Variants in RASAL2 observed in about 807,000 individuals in gnomAD.
RASAL2 encodes ras GTPase-activating protein nGAP.
In RASAL2, 58 loss-of-function variants were observed where a neutral mutation model predicts 128.9. The ratio of observed to expected loss-of-function variants is 0.45; its 90% confidence interval spans 0.36 to 0.56. The LOEUF (loss-of-function observed/expected upper bound fraction) is 0.56, where lower values mean the gene tolerates loss of function less well. RASAL2 is among the 20% of genes least tolerant of loss of function. RASAL2 has a pLI of 0.00. For missense variants in RASAL2, 1,360 were observed against 1,601.6 expected (o/e 0.85, Z 2.57); for synonymous variants, 561 against 580.8 (o/e 0.97, Z 0.49).
Position 178,474,974 on chromosome 1 carries a change from A to G in RASAL2, c.*1735A>G, listed in dbSNP as rs1303941924. On this transcript the variant is annotated 3_prime_UTR_variant, in exon 18 of 18. Transcript: ENST00000367649. ...CAAGTGAGTGTTTCTCCATAACAGA[A>G]TATTTATAAGAGAACATGTATAGTG... 3.3e-5 allele frequency: 5 copies of G among 152,158 alleles called. No individual in the cohort carries two copies. Among genetic ancestry groups the G allele is most frequent in the Non-Finnish European group, 5.9e-5 (4 of 68,022 alleles). 9.4% of individuals were successfully genotyped at this position (152,158 alleles called of 1,614,324 possible).
At chr1:178,439,284 T>G (rs185588499) in intron 5 of RASAL2, 138 bp from the exon 6 acceptor site, 9 of 705,022 alleles carry the variant, frequency 1.3e-5, no homozygotes, top group Non-Finnish European at 2.0e-5. Context: ...ATTGTTACTG[T>G]AGATTAACTA....
At chr1:178,351,558 C>T (rs1327032252) in intron 3 of RASAL2, among the ~76,000 whole-genome samples, 4 of 151,958 alleles carry the variant, frequency 2.6e-5, no homozygotes, top group Non-Finnish European at 5.9e-5. Context: ...AGTGAAACCC[C>T]GTCTCTACTA....
intron 3 of RASAL2, among the ~76,000 whole-genome samples, chr1:178,373,591 G>A (rs1321160556): frequency 3.3e-5 from 5 of 151,938 alleles, no homozygotes; most frequent in Non-Finnish European, 7.4e-5. Context: ...AAGGAAGGCA[G>A]AGTTATCATT....
chr1:178,332,909 C>T (rs996069221), intron 3 of RASAL2, among the ~76,000 whole-genome samples: 2 of 150,456 alleles, frequency 1.3e-5, no homozygotes, highest in African/African-American at 4.9e-5. Context: ...GCCAAATTGT[C>T]TCCAATTCTT....
At chr1:178,427,744 T>G (rs1225580007) in intron 5 of RASAL2, among the ~76,000 whole-genome samples, 1 of 152,098 alleles carries the variant, frequency 6.6e-6, no homozygotes, top group African/African-American at 2.4e-5. Flanking sequence ...TTAAATAAAC[T>G]GCAGACTTTA....
At chr1:178,119,397 C>T (rs1019177107) in intron 1 of RASAL2, among the ~76,000 whole-genome samples, 8 of 152,130 alleles carry the variant, frequency 5.3e-5, no homozygotes, top group African/African-American at 1.2e-4. Context: ...TGTACTTTAA[C>T]GTGGTTGATA....
chr1:178,367,177 C>G (rs939822157), intron 3 of RASAL2, among the ~76,000 whole-genome samples: 2 of 152,196 alleles, frequency 1.3e-5, no homozygotes, highest in South Asian at 4.1e-4. Flanking sequence ...ATTACATGAT[C>G]TGGCTTCCTA....
At chr1:178,363,042 G>A (rs749302958) in intron 3 of RASAL2, among the ~76,000 whole-genome samples, 2 of 151,934 alleles carry the variant, frequency 1.3e-5, no homozygotes, top group Non-Finnish European at 2.9e-5. Context: ...GGGATTGCAG[G>A]GTCATATTAC....
At position 178,456,892 on chromosome 1, in the gene RASAL2, A is replaced by T; in HGVS notation, c.2383A>T (p.Thr795Ser). The T allele has an allele frequency of 6.2e-7, 1 of 1,613,814 alleles. No homozygotes were observed. The highest frequency in any genetic ancestry group is 8.5e-7 in the Non-Finnish European group (1 of 1,179,822). Residue 795 changes from threonine to serine, a missense_variant, in exon 13 of 18, where the codon ACT becomes TCT. Transcript: ENST00000367649. ...SGLQKIFEDPTDSDLHKLKSP... is the reference protein window; with the variant it reads ...SGLQKIFEDPSDSDLHKLKSP... Reference sequence around the variant, plus strand: ...GCTGCAGAAAATATTTGAAGACCCCACTGACAGGTATGAAAGAGAGAATTT... The same window carrying T: ...GCTGCAGAAAATATTTGAAGACCCCTCTGACAGGTATGAAAGAGAGAATTT...
intron 17 of RASAL2, among the ~76,000 whole-genome samples, chr1:178,470,336 C>T (rs1404063741): frequency 6.6e-6 from 1 of 152,202 alleles, no homozygotes; most frequent in East Asian, 1.9e-4. Context: ...TCCCTGAATT[C>T]AGCCTCTGCC....
At chr1:178,406,086 A>C (rs902940381) in intron 4 of RASAL2, among the ~76,000 whole-genome samples, 2 of 152,146 alleles carry the variant, frequency 1.3e-5, no homozygotes, top group African/African-American at 2.4e-5. Context: ...TTATTTGTGA[A>C]TTTCCAACCA....
intron 12 of RASAL2, among the ~76,000 whole-genome samples, chr1:178,454,944 TG>T (rs1558003748): frequency 6.6e-6 from 1 of 152,110 alleles, no homozygotes; most frequent in Admixed American, 6.6e-5. Flanking sequence ...ACTAATATAT[TG>T]GTATATACAG....
At chr1:178,186,875 T>C (rs1662321215) in intron 1 of RASAL2, among the ~76,000 whole-genome samples, 1 of 152,100 alleles carries the variant, frequency 6.6e-6, no homozygotes, top group East Asian at 1.9e-4. Context: ...CCATGCTAGA[T>C]GACAGTGGTA....
chr1:178,199,768 A>C (rs1662799119), intron 1 of RASAL2, among the ~76,000 whole-genome samples: 1 of 152,178 alleles, frequency 6.6e-6, no homozygotes, highest in Non-Finnish European at 1.5e-5. Flanking sequence ...AAGGATGCAA[A>C]GTATTGTTCC....
At chr1:178,241,551 G>C (rs1158603751) in intron 1 of RASAL2, among the ~76,000 whole-genome samples, 1 of 152,170 alleles carries the variant, frequency 6.6e-6, no homozygotes, top group Non-Finnish European at 1.5e-5. Flanking sequence ...ATCCTCCACT[G>C]ATCTGATATC....
At chr1:178,168,877 AT>A (rs1261709480) in intron 1 of RASAL2, among the ~76,000 whole-genome samples, 1 of 152,056 alleles carries the variant, frequency 6.6e-6, no homozygotes, top group Non-Finnish European at 1.5e-5. Flanking sequence ...TAATTTTAAT[AT>A]GTTTTTGAAC....
At chr1:178,306,470 C>T (rs1158318088) in intron 3 of RASAL2, among the ~76,000 whole-genome samples, 1 of 152,162 alleles carries the variant, frequency 6.6e-6, no homozygotes, top group Non-Finnish European at 1.5e-5. Context: ...GAGGAATAGC[C>T]ACACTGACTT....
chr1:178,110,807 C>T (rs937522549), intron 1 of RASAL2, among the ~76,000 whole-genome samples: 17 of 151,670 alleles, frequency 1.1e-4, no homozygotes, highest in South Asian at 4.2e-4. Flanking sequence ...AGGCTGATCT[C>T]GAACTCCTGA....
chr1:178,206,060 T>C (rs1360133776), intron 1 of RASAL2, among the ~76,000 whole-genome samples: 1 of 152,154 alleles, frequency 6.6e-6, no homozygotes, highest in African/African-American at 2.4e-5. Flanking sequence ...TTAGCTCAAG[T>C]CCTTTGCCCT....
Sources: gnomAD v4.1 joint callset for allele counts (sites outside exome capture counted in the v4.1 genomes callset) on GRCh38, gnomAD v4.1.1 for gene constraint, MANE v1.5 for transcripts, NCBI Gene and HGNC (gene_info 2026-07-23, HGNC 2026-07-21) for gene names.